Variants in DGKE observed in about 807,000 individuals in gnomAD.
DGKE encodes the protein DAG kinase epsilon.
DGKE carries 53 observed loss-of-function variants against 70.0 expected under a neutral mutation model. The observed-to-expected ratio is 0.76, with a 90% CI of 0.61 to 0.95. The LOEUF (loss-of-function observed/expected upper bound fraction) is 0.95. DGKE is among the 40% of genes least tolerant of loss of function. DGKE has a pLI of 0.00. For missense variants in DGKE, 655 were observed against 706.9 expected (o/e 0.93, Z 0.83); for synonymous variants, 291 against 257.0 (o/e 1.13, Z -1.27).
In DGKE at chr17:56,834,931, C is replaced by CA; in HGVS notation, c.136_137insA (p.Arg46GlnfsTer71). 6.2e-7 allele frequency: 1 copy of CA among 1,613,468 alleles called. No homozygotes were observed. The highest frequency in any genetic ancestry group is 8.5e-7 in the Non-Finnish European group (1 of 1,179,950). On this transcript the variant is annotated frameshift_variant, in exon 2 of 12. Coordinates refer to ENST00000284061, the MANE Select transcript of DGKE (RefSeq NM_003647.3). LOFTEE classifies it high-confidence loss of function. Reference sequence around the variant, plus strand: ...CTTCTGGTGTAGCCTCCAGCGGTCGCGCCGGCAGCTGCACCGCAGGGACAT... The same window carrying CA: ...CTTCTGGTGTAGCCTCCAGCGGTCGCAGCCGGCAGCTGCACCGCAGGGACAT...
rs112721645 is a variant in DGKE, at chr17:56,853,004, G to T, written c.1099-3508G>T. Among the ~76,000 whole-genome samples, 743 of 152,306 alleles carry T rather than the reference G, an allele frequency of 4.9e-3. 4 individuals are homozygous for T. Among genetic ancestry groups the T allele is most frequent in the African/African-American group, 0.017 (705 of 41,552 alleles). ...AGCATTTCCTCTGAGTGTCATGTCA[G>T]TGTTCAAAAAGTTTGAGATTTGGGG... is the stretch of plus-strand genomic sequence containing the variant. On this transcript the variant is annotated intron_variant, in intron 7 of 11. Transcript: ENST00000284061.
In DGKE at chr17:56,834,835, G is replaced by C. The variant is rs915669267; in HGVS notation, c.40G>C (p.Glu14Gln). ...GCGGCCGGCGCCGGGCTCGCCCTCC[G>C]AGGGCCTGTTTGCGGACGGGCACCT... is the stretch of plus-strand genomic sequence containing the variant. ...ERRPAPGSPSEGLFADGHLIL... is the reference protein window; with the variant it reads ...ERRPAPGSPSQGLFADGHLIL... The change falls in exon 2 of 12, where the codon GAG (glutamate) becomes CAG (glutamine). Residue 14 changes from glutamate (E) to glutamine (Q), a missense_variant. By Grantham distance (29) the Glu-to-Gln change is conservative. Transcript: ENST00000284061. 9.9e-6 allele frequency: 16 copies of C among 1,609,528 alleles called. No individual in the cohort carries two copies. The highest frequency in any genetic ancestry group is 1.4e-5 in the Non-Finnish European group (16 of 1,178,520).
At chr17:56,857,754 A>C (rs1226096641) in intron 8 of DGKE, among the ~76,000 whole-genome samples, 1 of 152,146 alleles carries the variant, frequency 6.6e-6, no homozygotes, top group Non-Finnish European at 1.5e-5. Context: ...TTTTTTGATA[A>C]ATTGGGAGAA....
Position 56,862,801 on chromosome 17 carries a change from G to A in DGKE, c.*10G>A. On this transcript the variant is annotated 3_prime_UTR_variant, in exon 12 of 12. Coordinates refer to ENST00000284061, the MANE Select transcript of DGKE (RefSeq NM_003647.3). ...AAAGGCGACTGAATAGATGGATGAG[G>A]GAGTGAAAACTTTGCATAGAATCCT... 2 of 1,526,960 alleles carry A rather than the reference G, an allele frequency of 1.3e-6. No individual in the cohort carries two copies. The highest frequency in any genetic ancestry group is 1.4e-5 in the African/African-American group (1 of 70,972). 94.6% of individuals were successfully genotyped at this position (1,526,960 alleles called of 1,614,324 possible).
chr17:56,849,159 T>C (rs1567816617), intron 6 of DGKE, 22 bp from the exon 7 acceptor site: 1 of 1,602,100 alleles, frequency 6.2e-7, no homozygotes, highest in Non-Finnish European at 8.5e-7. Flanking sequence ...ACGTGCTGTT[T>C]TTTTTAACTT....
chr17:56,837,873 C>T (rs970531392), intron 2 of DGKE, among the ~76,000 whole-genome samples: 16 of 152,062 alleles, frequency 1.1e-4, no homozygotes, highest in African/African-American at 3.6e-4. Context: ...TATACTCATT[C>T]GATCATTATA....
chr17:56,848,054 A>G lies in DGKE; in HGVS notation c.877A>G (p.Met293Val), dbSNP rs369455582. Residue 293 changes from methionine (M) to valine (V), a missense_variant, in exon 5 of 12, where the codon ATG becomes GTG. By Grantham distance (21) the Met-to-Val change is conservative. Coordinates refer to ENST00000284061, the MANE Select transcript of DGKE (RefSeq NM_003647.3). The stretch of plus-strand genomic sequence containing the variant: ...GTGGGTCCTGGATGCAGTTGATGAC[A>G]TGAAGATTAAGGTATTAGTCTTTAA... ...VGWVLDAVDD[M>V]KIKGQEKYIP... The G allele has an allele frequency of 1.3e-6, 2 of 1,565,824 alleles. No homozygotes were observed. The highest frequency in any genetic ancestry group is 1.7e-6 in the Non-Finnish European group (2 of 1,157,068).
At chr17:56,862,457 G>C (rs1347307089) in intron 11 of DGKE, 155 bp from the exon 12 acceptor site, 3 of 913,580 alleles carry the variant, frequency 3.3e-6, no homozygotes, top group African/African-American at 3.4e-5. Context: ...CTTGAAAAAA[G>C]AATTCCTTAA....
Position 56,834,984 on chromosome 17 carries a change from C to T in DGKE, c.189C>T (p.Arg63=), listed in dbSNP as rs755024273. ...DIFRKSKHGW[R]DTDLFSQPTY... The stretch of plus-strand genomic sequence containing the variant: ...TCCGCAAGAGCAAGCACGGGTGGCG[C>T]GACACGGACCTGTTCAGCCAGCCCA... The change falls in exon 2 of 12, where the codon CGC becomes CGT. Residue 63 remains arginine, a synonymous_variant. Coordinates refer to ENST00000284061, the MANE Select transcript of DGKE (RefSeq NM_003647.3). 1.2e-6 allele frequency: 2 copies of T among 1,612,540 alleles called. No individual in the cohort carries two copies. Among genetic ancestry groups the T allele is most frequent in the African/African-American group, 2.7e-5 (2 of 74,932 alleles).
chr17:56,842,495 T>C (rs949434349), intron 2 of DGKE, among the ~76,000 whole-genome samples: 1 of 152,214 alleles, frequency 6.6e-6, no homozygotes, highest in African/African-American at 2.4e-5. Context: ...ATAAAGATAT[T>C]ATACTTCAGC....
intron 2 of DGKE, among the ~76,000 whole-genome samples, chr17:56,841,984 T>C (rs1907009863): frequency 6.6e-6 from 1 of 152,152 alleles, no homozygotes; most frequent in Non-Finnish European, 1.5e-5. Flanking sequence ...TTTCTTGTTT[T>C]TTGGGACAGG....
intron 8 of DGKE, among the ~76,000 whole-genome samples, chr17:56,857,134 A>G (rs888306394): frequency 6.6e-6 from 1 of 152,208 alleles, no homozygotes; most frequent in Non-Finnish European, 1.5e-5. Context: ...AAAGTATTAT[A>G]TAACTCTAAC....
At chr17:56,852,130 T>C (rs1011779049) in intron 7 of DGKE, among the ~76,000 whole-genome samples, 1 of 151,908 alleles carries the variant, frequency 6.6e-6, no homozygotes, top group African/African-American at 2.4e-5. Context: ...AATCACAAAT[T>C]GGCGGGGTGC....
chr17:56,835,285 TC>T lies in DGKE; in HGVS notation c.464+29del. On this transcript the variant is annotated intron_variant, in intron 2 of 11. Transcript: ENST00000284061. The stretch of plus-strand genomic sequence containing the variant: ...GTATGGTCTTCGTGGACACTCACTG[TC>T]CCAGAATGCGCCGTGGGAATCAGGA... The T allele has an allele frequency of 3.2e-6, 5 of 1,581,920 alleles. 1 individual carries two copies. Among genetic ancestry groups the T allele is most frequent in the South Asian group, 2.3e-5 (2 of 87,294 alleles).
intron 2 of DGKE, chr17:56,835,535 G>A (rs1906557936): frequency 2.1e-6 from 1 of 471,972 alleles, no homozygotes; most frequent in South Asian, 4.6e-5. Context: ...TCTAAGTGGT[G>A]CCTGCTTCAT....
rs138646553 is a variant in DGKE at position 56,840,119 on chromosome 17, G to A, written c.465-3900G>A. Among the ~76,000 whole-genome samples the A allele has an allele frequency of 5.3e-5, 8 of 152,160 alleles. No homozygotes were observed. The East Asian group carries it at 7.8e-4, about 15-fold the overall frequency. On this transcript the variant is annotated intron_variant, in intron 2 of 11. Coordinates refer to ENST00000284061, the MANE Select transcript of DGKE (RefSeq NM_003647.3). ...GCGGAGGTTGCTGTGAGCCGAGATC[G>A]CGCCATTGCACTCCAGTCTGGGCAA...
intron 7 of DGKE, among the ~76,000 whole-genome samples, chr17:56,853,412 T>G (rs565124954): frequency 9.2e-5 from 14 of 152,366 alleles, no homozygotes; most frequent in African/African-American, 3.4e-4. Flanking sequence ...TACATTTTCC[T>G]TTAGTACTTT....
Position 56,841,918 on chromosome 17 carries a change from C to T in DGKE, c.465-2101C>T, listed in dbSNP as rs114187815. Among the ~76,000 whole-genome samples, 1,391 of 152,266 alleles carry T rather than the reference C, an allele frequency of 9.1e-3. 17 individuals carry two copies. The highest frequency in any genetic ancestry group is 0.022 in the African/African-American group (899 of 41,522). Reference sequence around the variant, plus strand: ...TCAAGTGATCCTCCCACCTCAGCCTCACTAGAGCTGGGACTACAGGCACAC... The same window carrying T: ...TCAAGTGATCCTCCCACCTCAGCCTTACTAGAGCTGGGACTACAGGCACAC... On this transcript the variant is annotated intron_variant, in intron 2 of 11. Coordinates refer to ENST00000284061, the MANE Select transcript of DGKE (RefSeq NM_003647.3).
At chr17:56,849,090 G>T in intron 6 of DGKE, 91 bp from the exon 7 acceptor site, 2 of 1,340,390 alleles carry the variant, frequency 1.5e-6, no homozygotes, top group Non-Finnish European at 2.1e-6. Context: ...TTTGTAGATG[G>T]TATTTTAATA....
Sources: gnomAD v4.1 joint callset for allele counts (sites outside exome capture counted in the v4.1 genomes callset) on GRCh38, gnomAD v4.1.1 for gene constraint, MANE v1.5 for transcripts, NCBI Gene and HGNC (gene_info 2026-07-23, HGNC 2026-07-21) for gene names.